Variants in GNG7 observed in about 807,000 individuals in gnomAD.
GNG7 encodes G protein subunit gamma 7.
Under a neutral mutation model 4.0 loss-of-function variants are expected in GNG7, and 1 was observed. The observed-to-expected ratio is 0.25, with a 90% confidence interval of 0.09 to 1.18. GNG7 has a LOEUF of 1.18. Among genes scored for constraint, GNG7 ranks in the 50% most tolerant of loss-of-function variants. The pLI, the probability that GNG7 is intolerant of heterozygous loss-of-function variation, is 0.50. For synonymous variants in GNG7, 34 were observed against 36.9 expected, an observed-to-expected ratio of 0.92 and a Z score of 0.29; for missense variants, 86 against 91.9, an observed-to-expected ratio of 0.94 and a Z score of 0.26.
chr19:2,604,536 C>T (rs567752749), intron 2 of GNG7, among the ~76,000 whole-genome samples: 2 of 69,978 alleles, frequency 2.9e-5, no homozygotes, highest in South Asian at 5.5e-4. Context: ...AGGGAGGGAG[C>T]GAGGGAGGGA....
chr19:2,535,317 T>A (rs1978700095), intron 3 of GNG7, among the ~76,000 whole-genome samples: 1 of 99,310 alleles, frequency 1.0e-5, no homozygotes, highest in African/African-American at 4.2e-5. Context: ...GGCAAAACCT[T>A]GACTCTACAA....
chr19:2,684,526 AC>A (rs2144903084), intron 1 of GNG7, among the ~76,000 whole-genome samples: 1 of 152,044 alleles, frequency 6.6e-6, no homozygotes, highest in African/African-American at 2.4e-5. Flanking sequence ...GTCCATACAC[AC>A]CCCGGAGTAT....
At chr19:2,667,324 A>AAAAC (rs942290444) in intron 1 of GNG7, among the ~76,000 whole-genome samples, 2 of 152,176 alleles carry the variant, frequency 1.3e-5, no homozygotes, top group Non-Finnish European at 2.9e-5. Context: ...TCCCTCTCAA[A>AAAAC]AAACAAACAA....
intron 2 of GNG7, among the ~76,000 whole-genome samples, chr19:2,573,748 C>G (rs1054200107): frequency 1.3e-5 from 2 of 152,144 alleles, no homozygotes; most frequent in Non-Finnish European, 2.9e-5. Flanking sequence ...GAGGCTGAGG[C>G]AGGAGAATCG....
At position 2,520,676 on chromosome 19, in the gene GNG7, T is replaced by C; in HGVS notation, c.13A>G (p.Asn5Asp). The C allele has an allele frequency of 1.3e-6, 2 of 1,545,110 alleles. No individual in the cohort carries two copies. The highest frequency in any genetic ancestry group is 1.2e-5 in the South Asian group (1 of 84,056). The change falls in exon 4 of 5, where the codon AAC (asparagine) becomes GAC (aspartate). Residue 5 changes from asparagine to aspartate, a missense_variant. By Grantham distance (23) the Asn-to-Asp change is conservative. Transcript: ENST00000382159. ...AGCTTCCGGGCCTGGGCTATGTTGT[T>C]AGTGGCTGACATTGTCTGCCATCAG... MSAT[N>D]NIAQARKLVE...
intron 2 of GNG7, among the ~76,000 whole-genome samples, chr19:2,608,649 A>G (rs1981468267): frequency 6.6e-6 from 1 of 152,024 alleles, no homozygotes; most frequent in Non-Finnish European, 1.5e-5. Flanking sequence ...CTCCCGGGCA[A>G]CCCCCTCTCT....
Position 2,689,647 on chromosome 19 carries a change from A to C in GNG7, c.-135+12999T>G, listed in dbSNP as rs544305142. 3.6e-4 allele frequency among the ~76,000 whole-genome samples: 54 copies of C among 149,516 alleles called. No homozygotes were observed. The South Asian group carries it at 9.1e-3, about 25-fold the overall frequency. On this transcript the variant is annotated intron_variant, in intron 1 of 4. Coordinates refer to ENST00000382159, the MANE Select transcript of GNG7 (RefSeq NM_052847.3). Reference sequence around the variant, plus strand: ...CAAAAAAAAAAAAAAAAAAAAAAAAAAACCATATTCGATGCAATTCTCTGA... The same window carrying C: ...CAAAAAAAAAAAAAAAAAAAAAAAACAACCATATTCGATGCAATTCTCTGA...
intron 1 of GNG7, among the ~76,000 whole-genome samples, chr19:2,665,909 T>A (rs989127975): frequency 6.6e-6 from 1 of 152,170 alleles, no homozygotes; most frequent in Admixed American, 6.6e-5. Context: ...TGCTCTGTCA[T>A]CCAGGCTAGA....
intron 2 of GNG7, among the ~76,000 whole-genome samples, chr19:2,570,614 G>A (rs1378756403): frequency 6.6e-6 from 1 of 152,074 alleles, no homozygotes; most frequent in African/African-American, 2.4e-5. Flanking sequence ...CCCCATAATG[G>A]GCCCCAGGAG....
intron 2 of GNG7, among the ~76,000 whole-genome samples, chr19:2,574,107 G>C (rs1980234999): frequency 6.6e-6 from 1 of 152,192 alleles, no homozygotes; most frequent in African/African-American, 2.4e-5. Flanking sequence ...GGCTGGTGCA[G>C]TCCAGGTGAA....
At chr19:2,637,392 C>A (rs879410879) in intron 2 of GNG7, among the ~76,000 whole-genome samples, 7 of 152,194 alleles carry the variant, frequency 4.6e-5, no homozygotes, top group Non-Finnish European at 7.4e-5. Context: ...AGGTCAGAGA[C>A]CCCCGCAGGC....
chr19:2,531,194 A>C (rs1319096403), intron 3 of GNG7, among the ~76,000 whole-genome samples: 2 of 127,830 alleles, frequency 1.6e-5, no homozygotes, highest in Non-Finnish European at 3.2e-5. Flanking sequence ...AATCCCAGCT[A>C]GTCAGGAGCT....
intron 3 of GNG7, among the ~76,000 whole-genome samples, chr19:2,523,013 T>G (rs963199639): frequency 1.3e-5 from 2 of 151,406 alleles, no homozygotes; most frequent in Non-Finnish European, 2.9e-5. Context: ...TACAGGTGCA[T>G]GTGCCACCAT....
intron 1 of GNG7, among the ~76,000 whole-genome samples, chr19:2,688,397 AC>A (rs989808090): frequency 6.6e-6 from 1 of 152,190 alleles, no homozygotes; most frequent in Non-Finnish European, 1.5e-5. Flanking sequence ...GGCTAAGGCC[AC>A]CTGGGCTGGG....
chr19:2,557,043 ACACT>A lies in GNG7; in HGVS notation c.-77-1859_-77-1856del, dbSNP rs1174051912. ...CACACACGCACACACAGACACACGC[ACACT>A]CACACACATATGCACGCACACAGAC... On this transcript the variant is annotated intron_variant, in intron 2 of 4. Coordinates refer to ENST00000382159, the MANE Select transcript of GNG7 (RefSeq NM_052847.3). The surrounding 1 kb of genome is among the most constrained non-coding windows in gnomAD (Gnocchi z 5.1). Among the ~76,000 whole-genome samples, 4 of 149,686 alleles carry A rather than the reference ACACT, an allele frequency of 2.7e-5. No individual in the cohort carries two copies. Among genetic ancestry groups the A allele is most frequent in the African/African-American group, 4.9e-5 (2 of 40,614 alleles).
intron 2 of GNG7, among the ~76,000 whole-genome samples, chr19:2,568,166 TACAC>T (rs969221817): frequency 3.7e-5 from 5 of 133,720 alleles, no homozygotes; most frequent in Admixed American, 1.5e-4. Context: ...TACACATACA[TACAC>T]ACACATACAC....
At chr19:2,686,716 G>C (rs1044977209) in intron 1 of GNG7, among the ~76,000 whole-genome samples, 53 of 151,930 alleles carry the variant, frequency 3.5e-4, no homozygotes, top group Admixed American at 1.8e-3. Flanking sequence ...CCTTTGTAGG[G>C]TGGGGTCAAA....
At chr19:2,539,112 A>G (rs1426743153) in intron 3 of GNG7, among the ~76,000 whole-genome samples, 1 of 152,176 alleles carries the variant, frequency 6.6e-6, no homozygotes, top group African/African-American at 2.4e-5. Flanking sequence ...TAACTAATTT[A>G]GGTATTTAAT....
rs749136007 is a variant in GNG7, at chr19:2,611,572, C to T, written c.-78+34652G>A. ...ATCTCTTAGGCCGGGTGCAATGGCT[C>T]ACGCCTGTAATCCCAGCACTTGGAG... On this transcript the variant is annotated intron_variant, in intron 2 of 4. Coordinates refer to ENST00000382159, the MANE Select transcript of GNG7 (RefSeq NM_052847.3). The surrounding 1 kb of genome is among the most constrained non-coding windows in gnomAD (Gnocchi z 6.0). The T allele has an allele frequency of 2.6e-5, 4 of 152,228 alleles. No homozygotes were observed. The highest frequency in any genetic ancestry group is 4.4e-5 in the Non-Finnish European group (3 of 68,060). 9.4% of individuals were successfully genotyped at this position (152,228 alleles called of 1,614,324 possible). A position where few individuals can be genotyped will look rare whatever the true frequency, so the allele number is the denominator to read the frequency against.
Sources: allele counts gnomAD v4.1 joint callset (sites outside exome capture counted in the v4.1 genomes callset), GRCh38; gene constraint gnomAD v4.1.1; non-coding constraint Gnocchi (gnomAD v3.1); transcripts MANE v1.5; gene names NCBI Gene and HGNC (gene_info 2026-07-23, HGNC 2026-07-21).